DENND1A: variants seen among roughly 807,000 people sequenced by gnomAD.
The protein encoded by DENND1A is DENN domain containing 1A.
Under a neutral mutation model 113.7 loss-of-function variants are expected in DENND1A, and 51 were observed. That is an observed-to-expected ratio of 0.45 (90% CI 0.36 to 0.57). The LOEUF (loss-of-function observed/expected upper bound fraction) is 0.57, where lower values mean the gene tolerates loss of function less well. DENND1A is among the 20% of genes least tolerant of loss of function. DENND1A has a pLI of 0.00. For missense variants in DENND1A, 1,258 were observed against 1,395.9 expected (o/e 0.90, Z 1.57); for synonymous variants, 565 against 570.8 (o/e 0.99, Z 0.14).
intron 10 of DENND1A, among the ~76,000 whole-genome samples, chr9:123,625,220 G>A (rs555347628): frequency 4.0e-4 from 61 of 152,284 alleles, no homozygotes; most frequent in African/African-American, 1.4e-3. Flanking sequence ...TGGGGCCTTG[G>A]TCTACCAATC....
At chr9:123,504,506 T>C (rs2052750977) in intron 13 of DENND1A, among the ~76,000 whole-genome samples, 1 of 152,236 alleles carries the variant, frequency 6.6e-6, no homozygotes, top group Non-Finnish European at 1.5e-5. Flanking sequence ...GATTTAAATG[T>C]CTTAGGTTTT....
At chr9:123,673,440 T>C (rs1298931602) in intron 6 of DENND1A, among the ~76,000 whole-genome samples, 1 of 152,264 alleles carries the variant, frequency 6.6e-6, no homozygotes, top group Admixed American at 6.5e-5. Flanking sequence ...ATCATGATCA[T>C]GTTTTTAGCA....
At chr9:123,501,632 A>C (rs1222376025) in intron 13 of DENND1A, among the ~76,000 whole-genome samples, 8 of 152,230 alleles carry the variant, frequency 5.3e-5, no homozygotes, top group Non-Finnish European at 1.2e-4. Context: ...ACTTGATTGA[A>C]TTGAAAGATG....
At chr9:123,725,770 GT>G (rs1401821251) in intron 5 of DENND1A, among the ~76,000 whole-genome samples, 1 of 152,230 alleles carries the variant, frequency 6.6e-6, no homozygotes, top group Non-Finnish European at 1.5e-5. Flanking sequence ...ACAACTTCTT[GT>G]GCTTTCGGGC....
chr9:123,383,862 C>T lies in DENND1A; in HGVS notation c.1812G>A (p.Glu604=), dbSNP rs758771557. 1.2e-6 allele frequency: 2 copies of T among 1,613,538 alleles called. No homozygotes were observed. Among genetic ancestry groups the T allele is most frequent in the South Asian group, 2.2e-5 (2 of 91,090 alleles). ...GCACTTGCTGCTCTGGACTCTCTGCCTCGTCGCCTTCCGCGCTGTCTGACT... is the reference window on the plus strand; with the variant it reads ...GCACTTGCTGCTCTGGACTCTCTGCTTCGTCGCCTTCCGCGCTGTCTGACT... The part of the protein sequence containing the change: ...LRESDSAEGD[E]AESPEQQVRK... The change falls in exon 23 of 24, where the codon GAG becomes GAA. Residue 604 remains glutamate, a synonymous_variant. Transcript: ENST00000394215.
At chr9:123,390,712 C>G (rs1292441745) in intron 21 of DENND1A, among the ~76,000 whole-genome samples, 2 of 152,200 alleles carry the variant, frequency 1.3e-5, no homozygotes, top group South Asian at 2.1e-4. Flanking sequence ...AAGTGGAGAA[C>G]AGGGACTGCA....
At chr9:123,651,987 AG>A in intron 9 of DENND1A, 25 bp downstream of exon 9, 1 of 1,577,102 alleles carries the variant, frequency 6.3e-7, no homozygotes, top group Non-Finnish European at 8.6e-7. Flanking sequence ...ATCATTAAAA[AG>A]CCAGTCTTAA....
At chr9:123,880,928 A>G (rs1270958745) in intron 1 of DENND1A, among the ~76,000 whole-genome samples, 1 of 152,106 alleles carries the variant, frequency 6.6e-6, no homozygotes. Flanking sequence ...GGCATTTTAC[A>G]CTCACTAAAA....
intron 7 of DENND1A, among the ~76,000 whole-genome samples, chr9:123,669,061 T>C (rs2063630643): frequency 6.6e-6 from 1 of 152,210 alleles, no homozygotes; most frequent in South Asian, 2.1e-4. Context: ...ATGTTATATA[T>C]ATGAAATGCT....
intron 10 of DENND1A, among the ~76,000 whole-genome samples, chr9:123,623,628 A>C (rs996546476): frequency 6.6e-5 from 10 of 152,224 alleles, no homozygotes; most frequent in African/African-American, 2.4e-4. Flanking sequence ...GATAATTAAA[A>C]TCTGTGATTA....
intron 15 of DENND1A, among the ~76,000 whole-genome samples, chr9:123,455,056 A>C (rs2048015052): frequency 6.6e-6 from 1 of 152,094 alleles, no homozygotes. Flanking sequence ...TCCTGACCTC[A>C]AGTGATCCAC....
intron 20 of DENND1A, among the ~76,000 whole-genome samples, chr9:123,406,136 C>G (rs2043832861): frequency 6.6e-6 from 1 of 152,242 alleles, no homozygotes; most frequent in African/African-American, 2.4e-5. Flanking sequence ...ATGATAGAAG[C>G]TGGCTGCATA....
Position 123,526,171 on chromosome 9 carries a change from G to GCACA in DENND1A, c.993+31395_993+31398dup, listed in dbSNP as rs61059551. On this transcript the variant is annotated intron_variant, in intron 13 of 23. Coordinates refer to ENST00000394215, the MANE Select transcript of DENND1A (RefSeq NM_001352964.2). The stretch of plus-strand genomic sequence containing the variant: ...CACACATGCACACACCTGCACATGT[G>GCACA]CACACACACACACACATATGCGTAC... Among the ~76,000 whole-genome samples the GCACA allele has an allele frequency of 1.2e-3, 178 of 150,784 alleles. 1 individual carries two copies. Among genetic ancestry groups the GCACA allele is most frequent in the South Asian group, 2.7e-3 (13 of 4,772 alleles).
Position 123,450,890 on chromosome 9 carries a change from T to A in DENND1A, c.1300-141A>T, listed in dbSNP as rs1055602010. 3 of 623,066 alleles carry A rather than the reference T, an allele frequency of 4.8e-6. No homozygotes were observed. In the East Asian group the frequency reaches 8.9e-5, roughly 18 times the overall value. The allele number at this position is 623,066 out of a possible 1,614,324, so 38.6% of individuals were successfully genotyped here. A position where few individuals can be genotyped will look rare whatever the true frequency, so the allele number is the denominator to read the frequency against. On this transcript the variant is annotated intron_variant, in intron 17 of 23. Transcript: ENST00000394215. ...TGGGATCATCAAGTCGAAAACATAATGGCTATGAAAACAAATACAACGGTA... is the reference window on the plus strand; with the variant it reads ...TGGGATCATCAAGTCGAAAACATAAAGGCTATGAAAACAAATACAACGGTA...
Position 123,792,473 on chromosome 9 carries a change from T to C in DENND1A, c.132+114A>G, listed in dbSNP as rs200617717. Reference sequence around the variant, plus strand: ...TTGTCTTTGGTTCCTAATTACTGCTTTTCTTCCCTTCTAAAAATTCATTTA... The same window carrying C: ...TTGTCTTTGGTTCCTAATTACTGCTCTTCTTCCCTTCTAAAAATTCATTTA... On this transcript the variant is annotated intron_variant, in intron 3 of 23. Transcript: ENST00000394215. 39 of 1,120,240 alleles carry C rather than the reference T, an allele frequency of 3.5e-5. No homozygotes were observed. In the East Asian group the frequency reaches 9.9e-4, roughly 28 times the overall value. The allele number at this position is 1,120,240 out of a possible 1,614,324, so 69.4% of individuals were successfully genotyped here. A position where few individuals can be genotyped will look rare whatever the true frequency, so the allele number is the denominator to read the frequency against.
At chr9:123,555,692 T>C (rs2057376448) in intron 13 of DENND1A, among the ~76,000 whole-genome samples, 1 of 152,220 alleles carries the variant, frequency 6.6e-6, no homozygotes, top group African/African-American at 2.4e-5. Context: ...GCTCAACTTT[T>C]AGACAGCTAA....
intron 5 of DENND1A, among the ~76,000 whole-genome samples, chr9:123,752,700 G>C (rs1473321974): frequency 1.3e-5 from 2 of 152,110 alleles, no homozygotes; most frequent in Non-Finnish European, 2.9e-5. Context: ...TGTGCCATTG[G>C]GGCAAATCAA....
At chr9:123,483,362 G>A (rs554864223) in intron 13 of DENND1A, among the ~76,000 whole-genome samples, 14 of 152,334 alleles carry the variant, frequency 9.2e-5, no homozygotes, top group South Asian at 6.2e-4. Flanking sequence ...CCATGCCGCC[G>A]CTGCTGCTCC....
At chr9:123,779,848 C>T (rs1831005134) in intron 3 of DENND1A, among the ~76,000 whole-genome samples, 1 of 151,656 alleles carries the variant, frequency 6.6e-6, no homozygotes, top group African/African-American at 2.4e-5. Context: ...GGATTAGATC[C>T]TTTCACATTC....
Sources: gnomAD v4.1 joint callset for allele counts (sites outside exome capture counted in the v4.1 genomes callset) on GRCh38, gnomAD v4.1.1 for gene constraint, MANE v1.5 for transcripts, NCBI Gene and HGNC (gene_info 2026-07-23, HGNC 2026-07-21) for gene names.